HSD17B3: variants seen among roughly 807,000 people sequenced by gnomAD.
HSD17B3 encodes the protein hydroxysteroid 17-beta dehydrogenase 3, also known as 17-beta-hydroxysteroid dehydrogenase type 3.
HSD17B3 carries 29 observed loss-of-function variants against 41.1 expected under a neutral mutation model. The ratio of observed to expected loss-of-function variants is 0.71; its 90% CI spans 0.53 to 0.96. The LOEUF (loss-of-function observed/expected upper bound fraction) is 0.96, where lower values mean the gene tolerates loss of function less well. HSD17B3 is among the 40% of genes least tolerant of loss of function. The pLI is 0.00. For missense variants in HSD17B3, 323 were observed against 374.6 expected, an observed-to-expected ratio of 0.86 and a Z score of 1.14; for synonymous variants, 126 against 145.6, an observed-to-expected ratio of 0.87 and a Z score of 0.97.
At chr9:96,242,007 G>GAAAGAAAGAA (rs1836475476) in intron 9 of HSD17B3, among the ~76,000 whole-genome samples, 1 of 91,766 alleles carries the variant, frequency 1.1e-5, no homozygotes, top group Non-Finnish European at 2.3e-5. Context: ...GAAAGAAAGA[G>GAAAGAAAGAA]AAAGAAAAGA....
intron 2 of HSD17B3, among the ~76,000 whole-genome samples, chr9:96,293,418 C>T (rs947947584): frequency 6.6e-6 from 1 of 151,564 alleles, no homozygotes; most frequent in African/African-American, 2.4e-5. Flanking sequence ...GCAGCTTTGC[C>T]TCTTCTTGGG....
intron 2 of HSD17B3, among the ~76,000 whole-genome samples, chr9:96,257,373 C>G (rs1825705452): frequency 6.6e-6 from 1 of 152,124 alleles, no homozygotes; most frequent in Non-Finnish European, 1.5e-5. Context: ...GTCTCCAAGT[C>G]TGCCCCCCTG....
rs755152747 is a variant in HSD17B3, at chr9:96,301,992, A to C, written c.113T>G (p.Val38Gly). 1.2e-6 allele frequency: 2 copies of C among 1,614,124 alleles called. No individual in the cohort carries two copies. The highest frequency in any genetic ancestry group is 4.5e-5 in the East Asian group (2 of 44,874). ...SRCVLLNYWK[V>G]LPKSFLRSMG... is the part of the protein sequence containing the mutation. The stretch of plus-strand genomic sequence containing the variant: ...TGACCGCAAGAAAGACTTTGGCAAA[A>C]CTTTCCAGTAGTTCAGTAAAACACA... The change falls in exon 1 of 11, where the codon GTT becomes GGT. Residue 38 changes from valine to glycine, a missense_variant. Val to Gly is a moderately radical substitution (Grantham distance 109). Transcript: ENST00000375263.
intron 2 of HSD17B3, among the ~76,000 whole-genome samples, chr9:96,280,164 C>A (rs1385813057): frequency 6.6e-6 from 1 of 152,230 alleles, no homozygotes; most frequent in Non-Finnish European, 1.5e-5. Flanking sequence ...CATGTTCAAC[C>A]ACCCATCTCC....
chr9:96,279,578 C>T (rs1195879471), intron 2 of HSD17B3, among the ~76,000 whole-genome samples: 2 of 152,096 alleles, frequency 1.3e-5, no homozygotes, highest in African/African-American at 4.8e-5. Context: ...TTAATTCTCT[C>T]CTGAATCAGG....
At chr9:96,255,433 A>G (rs1825610423) in intron 2 of HSD17B3, among the ~76,000 whole-genome samples, 1 of 110,220 alleles carries the variant, frequency 9.1e-6, no homozygotes, top group African/African-American at 3.5e-5. Context: ...TCTGTTGCCC[A>G]GGCTGGAGTG....
chr9:96,244,164 C>T, intron 9 of HSD17B3, 165 bp downstream of exon 9: 3 of 761,884 alleles, frequency 3.9e-6, no homozygotes, highest in Non-Finnish European at 4.7e-6. Flanking sequence ...CCCAAAAGCC[C>T]ACGTGGCATC....
chr9:96,245,531 T>C, intron 7 of HSD17B3, 105 bp from the exon 8 acceptor site: 5 of 833,434 alleles, frequency 6.0e-6, no homozygotes, highest in East Asian at 2.5e-5. Flanking sequence ...CTCGACCCTT[T>C]CTAGGCTTCC....
At chr9:96,286,224 A>T (rs1472951628) in intron 2 of HSD17B3, among the ~76,000 whole-genome samples, 2 of 152,164 alleles carry the variant, frequency 1.3e-5, no homozygotes, top group Non-Finnish European at 2.9e-5. Flanking sequence ...GGTGCCTGTA[A>T]TTCCAGCTAC....
At chr9:96,254,017 C>A (rs1238622059) in intron 3 of HSD17B3, among the ~76,000 whole-genome samples, 1 of 152,126 alleles carries the variant, frequency 6.6e-6, no homozygotes, top group Non-Finnish European at 1.5e-5. Flanking sequence ...ATAGTCTTCA[C>A]AAGTCTCCAT....
rs569958320 is a variant in HSD17B3 at position 96,295,650 on chromosome 9, T to A, written c.201+2766A>T. ...GCGCCCAGCCCACGAGGAGCTTTTT[T>A]AACTGACATGCTTGAGGTTTGTTAA... On this transcript the variant is annotated intron_variant, in intron 2 of 10. Transcript: ENST00000375263. 2.0e-5 allele frequency among the ~76,000 whole-genome samples: 3 copies of A among 152,312 alleles called. No individual in the cohort carries two copies. In the East Asian group the frequency reaches 5.8e-4, roughly 29 times the overall value.
At chr9:96,282,708 T>C (rs1047301764) in intron 2 of HSD17B3, among the ~76,000 whole-genome samples, 4 of 152,198 alleles carry the variant, frequency 2.6e-5, no homozygotes, top group African/African-American at 9.7e-5. Flanking sequence ...AGGGTTAACA[T>C]TGTAACGTGT....
chr9:96,251,434 G>T lies in HSD17B3; in HGVS notation c.437C>A (p.Ala146Glu), dbSNP rs1227310598. The change falls in exon 5 of 11, where the codon GCA becomes GAA. Residue 146 changes from alanine (A) to glutamate (E), a missense_variant. Coordinates refer to ENST00000375263, the MANE Select transcript of HSD17B3 (RefSeq NM_000197.2). ...CAAGTCTACCTGGATTTCATCCGGTGCGTTCAGGAAATGGCTTGGGAGAAG... is the reference window on the plus strand; with the variant it reads ...CAAGTCTACCTGGATTTCATCCGGTTCGTTCAGGAAATGGCTTGGGAGAAG... The part of the protein sequence containing the change: ...PNLLPSHFLN[A>E]PDEIQSLIHC... 2 of 1,613,944 alleles carry T rather than the reference G, an allele frequency of 1.2e-6. No homozygotes were observed.
chr9:96,259,590 G>A (rs1337317501), intron 2 of HSD17B3, among the ~76,000 whole-genome samples: 2 of 152,080 alleles, frequency 1.3e-5, no homozygotes, highest in South Asian at 2.1e-4. Context: ...GCATGGTGGC[G>A]CATGCCTGTA....
At chr9:96,242,918 G>A (rs369752948) in intron 9 of HSD17B3, among the ~76,000 whole-genome samples, 1 of 152,164 alleles carries the variant, frequency 6.6e-6, no homozygotes, top group East Asian at 1.9e-4. Context: ...CTGGCCCCCT[G>A]TGGCTGTGTA....
intron 3 of HSD17B3, 83 bp from the exon 4 acceptor site, chr9:96,252,993 T>A: frequency 7.1e-6 from 6 of 841,306 alleles, no homozygotes; most frequent in Non-Finnish European, 1.0e-5. Context: ...TGCTCCTGTA[T>A]TACCTGAGCA....
intron 2 of HSD17B3, among the ~76,000 whole-genome samples, chr9:96,260,886 G>A (rs1192203180): frequency 2.6e-5 from 4 of 152,168 alleles, no homozygotes; most frequent in East Asian, 1.9e-4. Flanking sequence ...CCCTCAGGTC[G>A]GGTGTGGAGG....
At chr9:96,271,835 A>G (rs1421541626) in intron 2 of HSD17B3, among the ~76,000 whole-genome samples, 1 of 152,172 alleles carries the variant, frequency 6.6e-6, no homozygotes, top group Non-Finnish European at 1.5e-5. Context: ...TCTGAAAGGA[A>G]TGGTTTTTCC....
intron 2 of HSD17B3, among the ~76,000 whole-genome samples, chr9:96,288,915 T>C (rs10820243): frequency 0.48 from 71,498 of 147,766 alleles, 17,999 homozygotes; most frequent in East Asian, 0.66. Flanking sequence ...CCAGCCTGGG[T>C]GACTGAGCAA....
Sources: gnomAD v4.1 joint callset for allele counts (sites outside exome capture counted in the v4.1 genomes callset) on GRCh38, gnomAD v4.1.1 for gene constraint, MANE v1.5 for transcripts, NCBI Gene and HGNC (gene_info 2026-07-23, HGNC 2026-07-21) for gene names.